Variants in CHAT observed in about 807,000 individuals in gnomAD.
CHAT encodes acetyl CoA:choline O-acetyltransferase.
In CHAT, 61 loss-of-function variants were observed where a neutral mutation model predicts 76.9. The ratio of observed to expected loss-of-function variants is 0.79; its 90% CI spans 0.65 to 0.98. The LOEUF is 0.98. CHAT is among the 50% of genes least tolerant of loss of function. CHAT has a pLI of 0.00. For synonymous variants in CHAT, 407 were observed against 397.4 expected (o/e 1.02, Z -0.29); for missense variants, 946 against 986.9 (o/e 0.96, Z 0.56).
chr10:49,619,045 A>C (rs1358241778), intron 2 of CHAT, among the ~76,000 whole-genome samples: 1 of 152,184 alleles, frequency 6.6e-6, no homozygotes, highest in Non-Finnish European at 1.5e-5. Context: ...GGGTTTTATA[A>C]GTAGGAGGGA....
rs187008285 is a variant in CHAT, at chr10:49,644,211, C to A, written c.1112-2294C>A. 6.6e-3 allele frequency among the ~76,000 whole-genome samples: 1,008 copies of A among 152,194 alleles called. 11 individuals are homozygous for A. Among genetic ancestry groups the A allele is most frequent in the African/African-American group, 0.023 (962 of 41,524 alleles). On this transcript the variant is annotated intron_variant, in intron 7 of 14. Transcript: ENST00000337653. ...AGAAGGGCCTTGTCCTGGGCACAGC[C>A]TGCGTGATGATGAGGAGATGGGATG...
chr10:49,658,329 A>T (rs988617089), intron 13 of CHAT, among the ~76,000 whole-genome samples: 7 of 152,176 alleles, frequency 4.6e-5, no homozygotes, highest in Non-Finnish European at 8.8e-5. Flanking sequence ...CAGCCTGACC[A>T]ACATGGAGAA....
chr10:49,652,071 G>A (rs1285756973), intron 11 of CHAT, 65 bp downstream of exon 11: 15 of 1,608,660 alleles, frequency 9.3e-6, no homozygotes, highest in Non-Finnish European at 1.3e-5. Context: ...TAGGATCTAG[G>A]GTCTAGAAGC....
Position 49,646,675 on chromosome 10 carries a change from G to A in CHAT, c.1281+1G>A. Reference sequence around the variant, plus strand: ...TCGCTGGTACGACAAGTCCCTGCAGGTAAGCCGTCCAGGTGGCCCTGCAAG... The same window carrying A: ...TCGCTGGTACGACAAGTCCCTGCAGATAAGCCGTCCAGGTGGCCCTGCAAG... On this transcript the variant is annotated splice_donor_variant, in intron 8 of 14. Transcript: ENST00000337653. LOFTEE classifies it high-confidence loss of function. The A allele has an allele frequency of 6.2e-7, 1 of 1,613,286 alleles. No homozygotes were observed. Among genetic ancestry groups the A allele is most frequent in the South Asian group, 1.1e-5 (1 of 91,030 alleles).
At chr10:49,664,232 A>C (rs1474085737) in intron 14 of CHAT, among the ~76,000 whole-genome samples, 1 of 152,228 alleles carries the variant, frequency 6.6e-6, no homozygotes, top group Non-Finnish European at 1.5e-5. Flanking sequence ...TAGGTGCATA[A>C]GTAAAACTGA....
At position 49,646,505 on chromosome 10, in the gene CHAT, A is replaced by C; in HGVS notation, c.1112A>C (p.Asp371Ala). Residue 371 changes from aspartate (D) to alanine (A), a missense_variant and splice_region_variant, in exon 8 of 15, where the codon GAC becomes GCC. Around this residue, in one of 3 missense-constraint regions of CHAT, gnomAD observed 548 missense variants for 516.2 expected, o/e 1.06. Transcript: ENST00000337653. ...AGGGCTGTGCCTGCCTCCCCTGCAGACTCCACCAACCGGGACTCGCTGGAC... is the reference window on the plus strand; with the variant it reads ...AGGGCTGTGCCTGCCTCCCCTGCAGCCTCCACCAACCGGGACTCGCTGGAC... ...WAEARTVLVK[D>A]STNRDSLDMI... The C allele has an allele frequency of 6.2e-7, 1 of 1,613,848 alleles. No homozygotes were observed. Among genetic ancestry groups the C allele is most frequent in the Non-Finnish European group, 8.5e-7 (1 of 1,179,944 alleles).
chr10:49,656,968 C>G (rs768387548), intron 13 of CHAT, among the ~76,000 whole-genome samples: 4 of 151,978 alleles, frequency 2.6e-5, no homozygotes, highest in Non-Finnish European at 4.4e-5. Flanking sequence ...CCTCCAAAAA[C>G]AACAGCAAGG....
intron 5 of CHAT, among the ~76,000 whole-genome samples, chr10:49,623,448 T>C (rs1193200109): frequency 6.6e-6 from 1 of 152,202 alleles, no homozygotes; most frequent in Non-Finnish European, 1.5e-5. Context: ...AATTAATTAA[T>C]TAATTTACTT....
chr10:49,624,675 G>C (rs928708248), intron 5 of CHAT, among the ~76,000 whole-genome samples: 1 of 152,222 alleles, frequency 6.6e-6, no homozygotes, highest in Non-Finnish European at 1.5e-5. Context: ...TACGGAGGAC[G>C]TGCTTCACAA....
At chr10:49,610,669 C>G, upstream of CHAT, 1 of 1,398,498 alleles carries the variant, frequency 7.2e-7, no homozygotes, top group Non-Finnish European at 9.3e-7. Context: ...CCCGTGCCCT[C>G]GCCTCTGCAC....
chr10:49,655,486 AG>A (rs1283974971), intron 13 of CHAT, 38 bp downstream of exon 13: 1 of 1,594,924 alleles, frequency 6.3e-7, no homozygotes, highest in East Asian at 2.2e-5. Context: ...ACTGCACTTG[AG>A]CTGTGCCTGG....
At position 49,666,536 on chromosome 10, in the gene CHAT, T is replaced by C. The variant is rs182941393; in HGVS notation, c.*1490T>C. On this transcript the variant is annotated 3_prime_UTR_variant, in exon 15 of 15. Coordinates refer to ENST00000337653, the MANE Select transcript of CHAT (RefSeq NM_020549.5). ...GCACTCTGCTCTAGCCCAGCAATCC[T>C]GTAGGTCTCCCTTCTTTGTGCCACT... Among the ~76,000 whole-genome samples the C allele has an allele frequency of 6.6e-6, 1 of 152,326 alleles. No homozygotes were observed.
At chr10:49,640,421 G>A (rs1304225092) in intron 7 of CHAT, among the ~76,000 whole-genome samples, 2 of 152,118 alleles carry the variant, frequency 1.3e-5, no homozygotes, top group Admixed American at 6.6e-5. Flanking sequence ...AGGTTATAAC[G>A]AGGTGGAGGT....
intron 7 of CHAT, among the ~76,000 whole-genome samples, chr10:49,644,070 C>T (rs1367618230): frequency 6.6e-6 from 1 of 152,248 alleles, no homozygotes; most frequent in Non-Finnish European, 1.5e-5. Flanking sequence ...AATTCCACAT[C>T]TGCACTGAGC....
intron 5 of CHAT, 149 bp downstream of exon 5, chr10:49,622,299 C>A: frequency 1.2e-6 from 1 of 845,918 alleles, no homozygotes; most frequent in Non-Finnish European, 2.0e-6. Context: ...ACTCCCCCAC[C>A]ATCAGGATGA....
At chr10:49,618,502 G>T (rs1308854415) in intron 2 of CHAT, among the ~76,000 whole-genome samples, 1 of 152,188 alleles carries the variant, frequency 6.6e-6, no homozygotes, top group East Asian at 1.9e-4. Flanking sequence ...GAATGGAAAA[G>T]GGAGTGAAAG....
chr10:49,653,402 A>T (rs1004365642), intron 11 of CHAT, among the ~76,000 whole-genome samples: 2 of 148,752 alleles, frequency 1.3e-5, no homozygotes, highest in African/African-American at 4.9e-5. Context: ...ACTGCCTGCT[A>T]TGAACGGTAA....
chr10:49,635,133 A>G (rs75414155), intron 7 of CHAT, among the ~76,000 whole-genome samples: 3,134 of 152,258 alleles, frequency 0.021, 125 homozygotes, highest in African/African-American at 0.072. Context: ...TCTGTTCTCT[A>G]TTTCAATAAT....
chr10:49,627,779 G>T lies in CHAT; in HGVS notation c.1105G>T (p.Val369Leu), dbSNP rs769754418. Residue 369 changes from valine (V) to leucine (L), a missense_variant, in exon 7 of 15, where the codon GTG becomes TTG. Transcript: ENST00000337653. ...SEWAEARTVL[V>L]KDSTNRDSLD... ...GTGGGCCGAGGCCAGGACGGTCCTC[G>T]TGAAAGGTCAGCCGCAGTGCCCAGC... 6.8e-6 allele frequency: 11 copies of T among 1,613,566 alleles called. No individual in the cohort carries two copies. The highest frequency in any genetic ancestry group is 9.3e-6 in the Non-Finnish European group (11 of 1,179,868).
Sources: allele counts gnomAD v4.1 joint callset (sites outside exome capture counted in the v4.1 genomes callset), GRCh38; gene constraint gnomAD v4.1.1; regional missense constraint gnomAD v4.1.1; transcripts MANE v1.5; gene names NCBI Gene and HGNC (gene_info 2026-07-23, HGNC 2026-07-21).